ZNF423: variants seen among roughly 807,000 people sequenced by gnomAD.
The protein encoded by ZNF423 is zinc finger protein 423, also known as Ebf-associated zinc finger protein.
In ZNF423, 12 loss-of-function variants were observed where a neutral mutation model predicts 95.8. That is an observed-to-expected ratio of 0.13 (90% CI 0.08 to 0.20). ZNF423 has a LOEUF of 0.20. Among genes scored for constraint, ZNF423 ranks in the 10% least tolerant of loss-of-function variants. The pLI, the probability that ZNF423 is intolerant of heterozygous loss-of-function variation, is 1.00. For missense variants in ZNF423, 1,316 were observed against 1,737.1 expected, an observed-to-expected ratio of 0.76 and a Z score of 4.31; for synonymous variants, 749 against 711.9, an observed-to-expected ratio of 1.05 and a Z score of -0.83.
intron 7 of ZNF423, among the ~76,000 whole-genome samples, chr16:49,508,023 G>A (rs528875060): frequency 6.6e-6 from 1 of 152,284 alleles, no homozygotes; most frequent in East Asian, 1.9e-4. Context: ...AGAAGCCGGG[G>A]CTGGTGGCCT....
chr16:49,693,483 T>C (rs1017385600), intron 3 of ZNF423, among the ~76,000 whole-genome samples: 3 of 152,182 alleles, frequency 2.0e-5, no homozygotes, highest in Admixed American at 6.5e-5. Context: ...AAATGCTCCA[T>C]GCTTTTCAGC....
intron 3 of ZNF423, among the ~76,000 whole-genome samples, chr16:49,641,522 G>A (rs1232132977): frequency 6.6e-6 from 1 of 152,160 alleles, no homozygotes; most frequent in East Asian, 1.9e-4. Flanking sequence ...AACTGGGCAG[G>A]TGAAACCACT....
chr16:49,597,045 G>T (rs755433914), intron 5 of ZNF423, among the ~76,000 whole-genome samples: 5 of 152,192 alleles, frequency 3.3e-5, no homozygotes, highest in African/African-American at 9.7e-5. Context: ...TCTGGGCATC[G>T]AGAGATCTCT....
chr16:49,740,189 A>T (rs1457547168), intron 2 of ZNF423, among the ~76,000 whole-genome samples: 10 of 152,132 alleles, frequency 6.6e-5, no homozygotes, highest in Non-Finnish European at 1.2e-4. Flanking sequence ...CATTAAAAAA[A>T]ATATCCTCCA....
chr16:49,621,124 G>T (rs1400936491), intron 5 of ZNF423, among the ~76,000 whole-genome samples: 2 of 152,192 alleles, frequency 1.3e-5, no homozygotes, highest in Admixed American at 6.5e-5. Context: ...CCTCGGAGGG[G>T]GTGAAGGGGA....
At chr16:49,596,364 GA>G (rs1291849070) in intron 5 of ZNF423, among the ~76,000 whole-genome samples, 1 of 152,142 alleles carries the variant, frequency 6.6e-6, no homozygotes, top group Non-Finnish European at 1.5e-5. Flanking sequence ...AGTAGATAGA[GA>G]AGGCAAGAAA....
At chr16:49,783,979 A>AAAAAG (rs1472539894) in intron 2 of ZNF423, among the ~76,000 whole-genome samples, 1 of 151,846 alleles carries the variant, frequency 6.6e-6, no homozygotes, top group Non-Finnish European at 1.5e-5. Flanking sequence ...AAAAAAAAAA[A>AAAAAG]AAAAGAAAAG....
intron 5 of ZNF423, among the ~76,000 whole-genome samples, chr16:49,552,153 C>T (rs8061885): frequency 0.11 from 16,651 of 152,242 alleles, 1,260 homozygotes; most frequent in African/African-American, 0.21. Context: ...CACTGTCCCA[C>T]GTGCAGCTGT....
chr16:49,499,124 G>A (rs1175812742), intron 7 of ZNF423, among the ~76,000 whole-genome samples: 1 of 152,188 alleles, frequency 6.6e-6, no homozygotes, highest in Non-Finnish European at 1.5e-5. Context: ...CAGATGGCAG[G>A]GCAAGGTTTG....
intron 1 of ZNF423, among the ~76,000 whole-genome samples, chr16:49,852,923 G>A (rs930956101): frequency 1.3e-5 from 2 of 152,142 alleles, no homozygotes; most frequent in African/African-American, 4.8e-5. Flanking sequence ...GCCCCCAGAG[G>A]CCAGTTTTAT....
intron 5 of ZNF423, among the ~76,000 whole-genome samples, chr16:49,616,878 T>C (rs1299220870): frequency 1.3e-5 from 2 of 152,176 alleles, no homozygotes; most frequent in Non-Finnish European, 2.9e-5. Flanking sequence ...ATCATCATCA[T>C]CTAATAACAC....
chr16:49,664,063 C>T (rs1213804717), intron 3 of ZNF423: 2 of 985,654 alleles, frequency 2.0e-6, no homozygotes, highest in Non-Finnish European at 1.2e-6. Context: ...CAGCCACCCC[C>T]TCATCACTGT....
intron 3 of ZNF423, among the ~76,000 whole-genome samples, chr16:49,680,727 G>A (rs187539345): frequency 2.7e-4 from 41 of 152,340 alleles, no homozygotes; most frequent in East Asian, 2.3e-3. Context: ...TGAAGTGGCC[G>A]GACTTCATGC....
At chr16:49,819,456 CT>C (rs1217205098) in intron 1 of ZNF423, among the ~76,000 whole-genome samples, 3 of 150,230 alleles carry the variant, frequency 2.0e-5, no homozygotes, top group South Asian at 4.3e-4. Flanking sequence ...CCACGAGTAT[CT>C]TTTTTTTTGA....
intron 7 of ZNF423, among the ~76,000 whole-genome samples, chr16:49,494,939 C>T (rs1275447425): frequency 6.7e-6 from 1 of 149,130 alleles, no homozygotes. Flanking sequence ...ATGTCTCTTT[C>T]TCTGTTTATG....
chr16:49,701,049 T>G lies in ZNF423; in HGVS notation c.301+29722A>C, dbSNP rs532807272. ...ATTTTCTTGTCCCAGTCAATGAGAT[T>G]GTAATAGAAATAGAGAGGCCTCTTT... On this transcript the variant is annotated intron_variant, in intron 3 of 7. Coordinates refer to ENST00000563137, the MANE Select transcript of ZNF423 (RefSeq NM_001379286.1). Among the ~76,000 whole-genome samples, 8 of 152,316 alleles carry G rather than the reference T, an allele frequency of 5.3e-5. 1 individual carries two copies. The highest frequency in any genetic ancestry group is 1.9e-4 in the African/African-American group (8 of 41,570).
chr16:49,722,080 G>A (rs2032882452), intron 3 of ZNF423, among the ~76,000 whole-genome samples: 7 of 152,152 alleles, frequency 4.6e-5, no homozygotes, highest in Admixed American at 4.6e-4. Flanking sequence ...TTACCACCAG[G>A]AAGGAACCCA....
chr16:49,548,748 C>T (rs183240109), intron 5 of ZNF423, among the ~76,000 whole-genome samples: 287 of 152,312 alleles, frequency 1.9e-3, no homozygotes, highest in Non-Finnish European at 3.4e-3. Context: ...CCAGGCAAGC[C>T]GTGCCTGAAC....
At chr16:49,707,503 G>A (rs557614799) in intron 3 of ZNF423, among the ~76,000 whole-genome samples, 1 of 151,792 alleles carries the variant, frequency 6.6e-6, no homozygotes, top group African/African-American at 2.4e-5. Flanking sequence ...TGTAATCCCA[G>A]CTACTCGGGA....
Sources: allele counts gnomAD v4.1 joint callset (sites outside exome capture counted in the v4.1 genomes callset), GRCh38; gene constraint gnomAD v4.1.1; transcripts MANE v1.5; gene names NCBI Gene and HGNC (gene_info 2026-07-23, HGNC 2026-07-21).